MYH4: variants seen among roughly 807,000 people sequenced by gnomAD.
The protein encoded by MYH4 is myosin heavy chain 4.
Under a neutral mutation model 229.9 loss-of-function variants are expected in MYH4, and 200 were observed. The observed-to-expected ratio is 0.87, with a 90% CI of 0.78 to 0.98. The LOEUF (loss-of-function observed/expected upper bound fraction) is 0.98. Among genes scored for constraint, MYH4 ranks in the 50% least tolerant of loss-of-function variants. MYH4 has a pLI of 0.00. For synonymous variants in MYH4, 761 were observed against 834.6 expected, an observed-to-expected ratio of 0.91 and a Z score of 1.52; for missense variants, 2,148 against 2,332.6, an observed-to-expected ratio of 0.92 and a Z score of 1.63.
rs1328502446 is a variant in MYH4, at chr17:10,455,917, A to C, written c.1969-16T>G. The C allele has an allele frequency of 3.7e-6, 6 of 1,614,094 alleles. No homozygotes were observed. The South Asian group carries it at 6.6e-5, about 18-fold the overall frequency. On this transcript the variant is annotated splice_polypyrimidine_tract_variant and intron_variant, in intron 17 of 39. Coordinates refer to ENST00000255381, the MANE Select transcript of MYH4 (RefSeq NM_017533.2). ...TCAAATTCTCCTGTGGAACCATATG[A>C]AAAGTTTTAAAATCATTTCTAGTTG... is the stretch of plus-strand genomic sequence containing the variant.
rs1311415448 is a variant in MYH4 at position 10,450,862 on chromosome 17, G to A, written c.3899C>T (p.Ala1300Val). The change falls in exon 29 of 40, where the codon GCT becomes GTT. Residue 1300 changes from alanine (A) to valine (V), a missense_variant. By Grantham distance (64) the Ala-to-Val change is moderately conservative. Transcript: ENST00000255381. Reference sequence around the variant, plus strand: ...GCCTCGGGATAGCTGAGAAACCATAGCATCTTTTTCATCTAGCTGTCGTGA... The same window carrying A: ...GCCTCGGGATAGCTGAGAAACCATAACATCTTTTTCATCTAGCTGTCGTGA... ...EFSRQLDEKD[A>V]MVSQLSRGKQ... is the part of the protein sequence containing the mutation. 4.3e-6 allele frequency: 7 copies of A among 1,614,012 alleles called. No homozygotes were observed. Among genetic ancestry groups the A allele is most frequent in the Non-Finnish European group, 5.9e-6 (7 of 1,179,988 alleles).
Position 10,453,338 on chromosome 17 carries a change from A to G in MYH4, c.2935-10T>C. The G allele has an allele frequency of 6.2e-7, 1 of 1,614,038 alleles. No individual in the cohort carries two copies. Among genetic ancestry groups the G allele is most frequent in the Non-Finnish European group, 8.5e-7 (1 of 1,179,980 alleles). On this transcript the variant is annotated splice_polypyrimidine_tract_variant and intron_variant, in intron 23 of 39. Transcript: ENST00000255381. ...CTGTGAGGTTTTTCACCTTTAGATT[A>G]GAACAGATGACCAGAATGTCAATGA... is the stretch of plus-strand genomic sequence containing the variant.
chr17:10,456,026 C>A, intron 17 of MYH4, 125 bp from the exon 18 acceptor site: 1 of 1,190,226 alleles, frequency 8.4e-7, no homozygotes, highest in Non-Finnish European at 1.2e-6. Context: ...ATTATCATAA[C>A]AGAGAGGAAT....
chr17:10,450,782 T>A lies in MYH4; in HGVS notation c.3979A>T (p.Thr1327Ser), dbSNP rs2072564153. Residue 1327 changes from threonine (T) to serine (S), a missense_variant, in exon 29 of 40, where the codon ACT (threonine) becomes TCT (serine). Thr to Ser is a moderately conservative substitution (Grantham distance 58, BLOSUM62 1). Coordinates refer to ENST00000255381, the MANE Select transcript of MYH4 (RefSeq NM_017533.2). Reference protein sequence around the residue: ...EELKRQLEEETKAKSTLAHAL... With the variant: ...EELKRQLEEESKAKSTLAHAL... ...ATCAGCTGGAGAATTCTCACCTTAG[T>A]CTCCTCTTCTAGCTGCCTCTTTAAT... 6.2e-7 allele frequency: 1 copy of A among 1,613,244 alleles called. No individual in the cohort carries two copies. Among genetic ancestry groups the A allele is most frequent in the Non-Finnish European group, 8.5e-7 (1 of 1,179,230 alleles).
Position 10,466,824 on chromosome 17 carries a change from G to T in MYH4, c.-39-40C>A, listed in dbSNP as rs748573655. On this transcript the variant is annotated intron_variant, in intron 2 of 39. Coordinates refer to ENST00000255381, the MANE Select transcript of MYH4 (RefSeq NM_017533.2). Reference sequence around the variant, plus strand: ...AGAGCCAAATGATGATTCAGGGTTGGGGTGGAGAATTGTTCTGTTGATTTC... The same window carrying T: ...AGAGCCAAATGATGATTCAGGGTTGTGGTGGAGAATTGTTCTGTTGATTTC... 233 of 1,551,520 alleles carry T rather than the reference G, an allele frequency of 1.5e-4. 1 individual carries two copies. The highest frequency in any genetic ancestry group is 2.0e-4 in the Non-Finnish European group (221 of 1,130,286).
Position 10,444,540 on chromosome 17 carries a change from C to T in MYH4, c.5667+64G>A, listed in dbSNP as rs964361364. ...AAGAAAACCCCCTAAATTCTATAAACTTTAGGCCCCAAAAAACCTGGATGT... is the reference window on the plus strand; with the variant it reads ...AAGAAAACCCCCTAAATTCTATAAATTTTAGGCCCCAAAAAACCTGGATGT... On this transcript the variant is annotated intron_variant, in intron 39 of 39. Transcript: ENST00000255381. 5.8e-5 allele frequency: 74 copies of T among 1,276,378 alleles called. No individual in the cohort carries two copies. In the Admixed American group the frequency reaches 6.0e-4, roughly 10 times the overall value. 79.1% of individuals were successfully genotyped at this position (1,276,378 alleles called of 1,614,324 possible). A position where few individuals can be genotyped will look rare whatever the true frequency, so the allele number is the denominator to read the frequency against.
In MYH4 at chr17:10,455,239, T is replaced by G; in HGVS notation, c.2231A>C (p.Lys744Thr). The change falls in exon 20 of 40, where the codon AAG becomes ACG. Residue 744 changes from lysine to threonine, a missense_variant. Physicochemically the swap from Lys to Thr is moderately conservative, Grantham distance 78. Coordinates refer to ENST00000255381, the MANE Select transcript of MYH4 (RefSeq NM_017533.2). Reference protein sequence around the residue: ...IPEGQFIDSKKASEKLLGSIE... With the variant: ...IPEGQFIDSKTASEKLLGSIE... ...AGACCCTAGAAGTTTCTCAGAAGCC[T>G]TCTTGCTGTCAATGAACTGACCCTC... 6.2e-7 allele frequency: 1 copy of G among 1,614,126 alleles called. No homozygotes were observed. The highest frequency in any genetic ancestry group is 8.5e-7 in the Non-Finnish European group (1 of 1,179,974).
Position 10,452,326 on chromosome 17 carries a change from C to G in MYH4, c.3353G>C (p.Arg1118Pro). The stretch of plus-strand genomic sequence containing the variant: ...GATTTCCTCCTCCAGCTCCTCAATG[C>G]GGGCCTGGTTGTGATATGTCAACAT... ...LQKKIKELQA[R>P]IEELEEEIEA... The change falls in exon 27 of 40, where the codon CGC (arginine) becomes CCC (proline). Residue 1118 changes from arginine (R) to proline (P), a missense_variant. By Grantham distance (103) the Arg-to-Pro change is moderately radical. Transcript: ENST00000255381. The G allele has an allele frequency of 6.2e-7, 1 of 1,614,094 alleles. No homozygotes were observed. The highest frequency in any genetic ancestry group is 8.5e-7 in the Non-Finnish European group (1 of 1,180,008).
At position 10,445,225 on chromosome 17, in the gene MYH4, C is replaced by A; in HGVS notation, c.5295+12G>T. On this transcript the variant is annotated intron_variant, in intron 36 of 39. Coordinates refer to ENST00000255381, the MANE Select transcript of MYH4 (RefSeq NM_017533.2). ...TGCATGTGTCAGTAAGACAAATGCT[C>A]ATCTTGCTTACATCAGTGATGGCCT... 2.5e-6 allele frequency: 4 copies of A among 1,614,156 alleles called. No individual in the cohort carries two copies. In the South Asian group the frequency reaches 4.4e-5, roughly 18 times the overall value.
chr17:10,444,832 C>T lies in MYH4; in HGVS notation c.5534G>A (p.Arg1845His), dbSNP rs185824725. Residue 1845 changes from arginine (R) to histidine (H), a missense_variant, in exon 38 of 40, where the codon CGC (arginine) becomes CAC (histidine). Physicochemically the swap from Arg to His is conservative, Grantham distance 29. Coordinates refer to ENST00000255381, the MANE Select transcript of MYH4 (RefSeq NM_017533.2). ...TTCCTTCACTCTTCTCTCATGTTTG[C>T]GAAGACCCTTGACAGCCTCAACATT... The part of the protein sequence containing the change: ...KHNVEAVKGL[R>H]KHERRVKELT... The T allele has an allele frequency of 3.6e-5, 58 of 1,614,050 alleles. No homozygotes were observed. Among genetic ancestry groups the T allele is most frequent in the South Asian group, 9.9e-5 (9 of 91,078 alleles).
intron 34 of MYH4, among the ~76,000 whole-genome samples, chr17:10,447,491 T>C (rs1327894314): frequency 6.6e-6 from 1 of 152,162 alleles, no homozygotes; most frequent in East Asian, 1.9e-4. Flanking sequence ...CTTCAGCGAG[T>C]CCAGTGGTGC....
At chr17:10,463,931 C>T (rs572307600) in intron 7 of MYH4, among the ~76,000 whole-genome samples, 3 of 152,328 alleles carry the variant, frequency 2.0e-5, no homozygotes, top group African/African-American at 7.2e-5. Context: ...TTCTCATGAG[C>T]TCTTCCAAGA....
chr17:10,456,707 A>C, intron 16 of MYH4, 152 bp from the exon 17 acceptor site: 1 of 623,426 alleles, frequency 1.6e-6, no homozygotes, highest in Non-Finnish European at 2.8e-6. Context: ...TCCTCCCTCA[A>C]TTGTAGATTA....
intron 39 of MYH4, among the ~76,000 whole-genome samples, chr17:10,444,044 ACT>A (rs1199748344): frequency 1.3e-5 from 2 of 152,008 alleles, no homozygotes; most frequent in Non-Finnish European, 1.5e-5. Context: ...CTCTCACTTG[ACT>A]CTCTTTCTGG....
chr17:10,456,493 G>A lies in MYH4; in HGVS notation c.1960C>T (p.Leu654Phe). 6.2e-7 allele frequency: 1 copy of A among 1,613,380 alleles called. No homozygotes were observed. Residue 654 changes from leucine to phenylalanine, a missense_variant, in exon 17 of 40, where the codon CTT becomes TTT. Leu to Phe is a conservative substitution (Grantham distance 22, BLOSUM62 0). Transcript: ENST00000255381. ...TCAAGAATATACTGTACCCTGAAAA[G>A]AGCTGACACTGTCTGGAAAGAAGAA... ...KGSSFQTVSA[L>F]FRENLNKLMT...
rs1055312529 is a variant in MYH4, at chr17:10,447,878, A to G, written c.4905T>C (p.His1635=). 1.2e-6 allele frequency: 2 copies of G among 1,614,006 alleles called. No individual in the cohort carries two copies. Among genetic ancestry groups the G allele is most frequent in the African/African-American group, 1.3e-5 (1 of 75,014 alleles). ...GTGCCTCAGCAGCCTGGCGGTTGGC[A>G]TGGTTCAGCTGGATTTCCATTTCAT... ...DLNEMEIQLN[H]ANRQAAEALR... The change falls in exon 34 of 40, where the codon CAT becomes CAC. Residue 1635 remains histidine (H), a synonymous_variant. Coordinates refer to ENST00000255381, the MANE Select transcript of MYH4 (RefSeq NM_017533.2).
Position 10,459,353 on chromosome 17 carries a change from G to C in MYH4, c.1485C>G (p.His495Gln). 6.2e-7 allele frequency: 1 copy of C among 1,614,156 alleles called. No homozygotes were observed. ...NEKLQQFFNH[H>Q]MFVLEQEEYK... Reference sequence around the variant, plus strand: ...ACTCTTCCTGCTCCAGCACGAACATGTGGTGGTTGAAAAACTGTTGCAGTT... The same window carrying C: ...ACTCTTCCTGCTCCAGCACGAACATCTGGTGGTTGAAAAACTGTTGCAGTT... Residue 495 changes from histidine (H) to glutamine (Q), a missense_variant, in exon 15 of 40, where the codon CAC becomes CAG. Physicochemically the swap from His to Gln is conservative, Grantham distance 24. Coordinates refer to ENST00000255381, the MANE Select transcript of MYH4 (RefSeq NM_017533.2).
intron 35 of MYH4, among the ~76,000 whole-genome samples, chr17:10,446,491 A>G (rs1271823396): frequency 6.6e-6 from 1 of 152,194 alleles, no homozygotes; most frequent in Non-Finnish European, 1.5e-5. Flanking sequence ...TACAGTGGTT[A>G]CATATTAGCC....
intron 24 of MYH4, 102 bp from the exon 25 acceptor site, chr17:10,453,034 A>G (rs1300809013): frequency 6.3e-7 from 1 of 1,585,994 alleles, no homozygotes; most frequent in African/African-American, 1.4e-5. Flanking sequence ...GATACAACAA[A>G]TAGCACAAGA....
Sources: gnomAD v4.1 joint callset for allele counts (sites outside exome capture counted in the v4.1 genomes callset) on GRCh38, gnomAD v4.1.1 for gene constraint, MANE v1.5 for transcripts, NCBI Gene and HGNC (gene_info 2026-07-23, HGNC 2026-07-21) for gene names.